Variants in GORASP2 observed in about 807,000 individuals in gnomAD.
GORASP2 encodes Golgi reassembly-stacking protein 2.
Under a neutral mutation model 45.7 loss-of-function variants are expected in GORASP2, and 22 were observed. That is an observed-to-expected ratio of 0.48 (90% CI 0.34 to 0.69). The LOEUF is 0.69. GORASP2 is among the 30% of genes least tolerant of loss of function. The probability of loss-of-function intolerance (pLI) is 0.01; values close to 1 mark genes in which losing one functional copy is unlikely to be tolerated. For synonymous variants in GORASP2, 221 were observed against 215.6 expected, an observed-to-expected ratio of 1.02 and a Z score of -0.22; for missense variants, 491 against 562.7, an observed-to-expected ratio of 0.87 and a Z score of 1.29.
chr2:170,951,378 A>G lies in GORASP2; in HGVS notation c.486A>G (p.Lys162=). ...LIETHEAKPL[K]LYVYNTDTDN... is the part of the protein sequence containing the mutation. ...AAACACATGAAGCAAAACCATTGAA[A>G]CTGTATGTGTACAACACAGACACTG... The change falls in exon 5 of 10, where the codon AAA becomes AAG. Residue 162 remains lysine (K), a synonymous_variant. Coordinates refer to ENST00000234160, the MANE Select transcript of GORASP2 (RefSeq NM_015530.5). The G allele has an allele frequency of 2.5e-6, 4 of 1,610,192 alleles. No homozygotes were observed. Among genetic ancestry groups the G allele is most frequent in the Non-Finnish European group, 3.4e-6 (4 of 1,177,506 alleles).
At position 170,949,806 on chromosome 2, in the gene GORASP2, A is replaced by G. The variant is rs183101283; in HGVS notation, c.348+64A>G. The G allele has an allele frequency of 5.6e-5, 74 of 1,317,454 alleles. No individual in the cohort carries two copies. The Admixed American group carries it at 9.3e-4, about 17-fold the overall frequency. The allele number at this position is 1,317,454 out of a possible 1,614,324, so 81.6% of individuals were successfully genotyped here. On this transcript the variant is annotated intron_variant, in intron 3 of 9. Transcript: ENST00000234160. ...AGCAGTGTGGAAAGATGTTTTAACA[A>G]TGGTTGTTTCTGGCTTAATAAGATT...
At chr2:170,936,676 G>A (rs1018378132) in intron 1 of GORASP2, 6 of 1,289,692 alleles carry the variant, frequency 4.7e-6, no homozygotes, top group Non-Finnish European at 5.1e-6. Flanking sequence ...AGCTTAAGCC[G>A]GGCATAATGG....
chr2:170,932,213 G>A (rs1404239608), intron 1 of GORASP2, among the ~76,000 whole-genome samples: 1 of 152,064 alleles, frequency 6.6e-6, no homozygotes, highest in African/African-American at 2.4e-5. Context: ...GGCAAAAAGA[G>A]TGAGACTTCT....
At chr2:170,952,419 GTCTTTTTGTGCT>G (rs1232706065) in intron 5 of GORASP2, among the ~76,000 whole-genome samples, 3 of 152,170 alleles carry the variant, frequency 2.0e-5, no homozygotes, top group Admixed American at 6.5e-5. Context: ...CATGCATTTG[GTCTTTTTGTGCT>G]TCTGTTTTTA....
chr2:170,930,231 A>G (rs747104161), intron 1 of GORASP2, among the ~76,000 whole-genome samples: 38 of 152,224 alleles, frequency 2.5e-4, no homozygotes, highest in Non-Finnish European at 4.0e-4. Context: ...GCCCCTACCT[A>G]TGAACGGCCT....
At chr2:170,958,775 C>T (rs1273684582) in intron 7 of GORASP2, among the ~76,000 whole-genome samples, 1 of 151,694 alleles carries the variant, frequency 6.6e-6, no homozygotes. Context: ...AGCAGTTCTC[C>T]TGCCTCAGCC....
chr2:170,957,156 C>T (rs1266036997), intron 7 of GORASP2, among the ~76,000 whole-genome samples: 2 of 152,160 alleles, frequency 1.3e-5, no homozygotes, highest in African/African-American at 2.4e-5. Flanking sequence ...TGTTTAACTG[C>T]TCTGGTTACT....
chr2:170,936,670 T>A, intron 1 of GORASP2: 1 of 1,295,660 alleles, frequency 7.7e-7, no homozygotes, highest in Non-Finnish European at 1.0e-6. Flanking sequence ...TAAGGAAGCT[T>A]AAGCCGGGCA....
chr2:170,962,860 G>T lies in GORASP2; in HGVS notation c.932G>T (p.Gly311Val), dbSNP rs780943963. 3 of 1,613,440 alleles carry T rather than the reference G, an allele frequency of 1.9e-6. No individual in the cohort carries two copies. In the East Asian group the frequency reaches 6.7e-5, roughly 36 times the overall value. ...TLPGLMPLPA[G>V]LPNLPNLNLN... ...TCAGGTCTGATGCCTTTACCAGCAG[G>T]ACTGCCCAACCTCCCCAACCTCAAC... Residue 311 changes from glycine (G) to valine (V), a missense_variant, in exon 9 of 10, where the codon GGA (glycine) becomes GTA (valine). Physicochemically the swap from Gly to Val is moderately radical, Grantham distance 109. Around this residue, in one of 2 missense-constraint regions of GORASP2, gnomAD observed 297 missense variants for 292.3 expected, o/e 1.02. Coordinates refer to ENST00000234160, the MANE Select transcript of GORASP2 (RefSeq NM_015530.5).
intron 1 of GORASP2, among the ~76,000 whole-genome samples, chr2:170,947,376 A>G (rs185021699): frequency 1.8e-4 from 28 of 152,134 alleles, no homozygotes; most frequent in Non-Finnish European, 2.4e-4. Flanking sequence ...TGTTTTGTCC[A>G]TTTTCAGATG....
At position 170,954,573 on chromosome 2, in the gene GORASP2, G is replaced by A. The variant is rs1033492872; in HGVS notation, c.567-77G>A. The A allele has an allele frequency of 8.9e-6, 9 of 1,015,992 alleles. No homozygotes were observed. In the East Asian group the frequency reaches 1.0e-4, roughly 11 times the overall value. The allele number at this position is 1,015,992 out of a possible 1,614,324, so 62.9% of individuals were successfully genotyped here. A position where few individuals can be genotyped will look rare whatever the true frequency, so the allele number is the denominator to read the frequency against. ...TTGAATCTATGCTCTTGGGTTACCCGCCCCCCCCAAAAAAAACACCTCAAA... is the reference window on the plus strand; with the variant it reads ...TTGAATCTATGCTCTTGGGTTACCCACCCCCCCCAAAAAAAACACCTCAAA... On this transcript the variant is annotated intron_variant, in intron 5 of 9. Transcript: ENST00000234160.
chr2:170,963,556 G>A (rs1704620677), intron 9 of GORASP2, among the ~76,000 whole-genome samples: 1 of 141,426 alleles, frequency 7.1e-6, no homozygotes, highest in Non-Finnish European at 1.5e-5. Context: ...TGACTTTAAT[G>A]AAAGTGTACA....
intron 7 of GORASP2, among the ~76,000 whole-genome samples, chr2:170,957,253 A>G (rs1704447331): frequency 6.6e-6 from 1 of 151,002 alleles, no homozygotes; most frequent in East Asian, 1.9e-4. Context: ...AGTCTTGCTT[A>G]GGGGACATGT....
In GORASP2 at chr2:170,942,304, A is replaced by G. The variant is rs1575471206; in HGVS notation, c.64-6046A>G. Among the ~76,000 whole-genome samples the G allele has an allele frequency of 2.6e-5, 4 of 152,288 alleles. No individual in the cohort carries two copies. In the East Asian group the frequency reaches 7.7e-4, roughly 29 times the overall value. ...TTTTAGTATATTCATAGAGTTCTGC[A>G]ACCATCACCACTGCCTAATTCCAGA... On this transcript the variant is annotated intron_variant, in intron 1 of 9. Coordinates refer to ENST00000234160, the MANE Select transcript of GORASP2 (RefSeq NM_015530.5).
chr2:170,955,341 G>A (rs1575477308), intron 6 of GORASP2, among the ~76,000 whole-genome samples: 2 of 152,172 alleles, frequency 1.3e-5, no homozygotes, highest in African/African-American at 4.8e-5. Flanking sequence ...TTCAAGAAAC[G>A]ATTGAGAAAA....
At chr2:170,951,525 G>T in intron 5 of GORASP2, 67 bp downstream of exon 5, 3 of 1,204,132 alleles carry the variant, frequency 2.5e-6, no homozygotes, top group Non-Finnish European at 3.5e-6. Context: ...TGCAGACATT[G>T]ATTGTTTTTA....
chr2:170,940,328 CAGT>C (rs1704045278), intron 1 of GORASP2, among the ~76,000 whole-genome samples: 1 of 152,146 alleles, frequency 6.6e-6, no homozygotes, highest in Non-Finnish European at 1.5e-5. Context: ...GTATGTAAGT[CAGT>C]AGACCAGTGC....
chr2:170,960,299 C>G (rs948250595), intron 7 of GORASP2, among the ~76,000 whole-genome samples: 2 of 152,196 alleles, frequency 1.3e-5, no homozygotes, highest in Non-Finnish European at 2.9e-5. Flanking sequence ...AATGACCACA[C>G]TCAACTATCC....
intron 1 of GORASP2, among the ~76,000 whole-genome samples, chr2:170,932,362 T>C (rs1438104780): frequency 6.6e-6 from 1 of 152,240 alleles, no homozygotes; most frequent in Non-Finnish European, 1.5e-5. Context: ...TAGTAGCAAG[T>C]GGCCATCTGC....
Sources: allele counts gnomAD v4.1 joint callset (sites outside exome capture counted in the v4.1 genomes callset), GRCh38; gene constraint gnomAD v4.1.1; regional missense constraint gnomAD v4.1.1; transcripts MANE v1.5; gene names NCBI Gene and HGNC (gene_info 2026-07-23, HGNC 2026-07-21).